GARNL3: variants seen among roughly 807,000 people sequenced by gnomAD.
GARNL3 encodes GTPase-activating Rap/Ran-GAP domain-like protein 3.
A neutral mutation model predicts 125.0 loss-of-function variants in GARNL3; 63 were observed. The ratio of observed to expected loss-of-function variants is 0.50; its 90% confidence interval spans 0.41 to 0.62. The LOEUF (loss-of-function observed/expected upper bound fraction) is 0.62. Among genes scored for constraint, GARNL3 ranks in the 20% least tolerant of loss-of-function variants. The probability of loss-of-function intolerance (pLI) is 0.00; values close to 1 mark genes in which losing one functional copy is unlikely to be tolerated. For synonymous variants in GARNL3, 439 were observed against 457.5 expected, an observed-to-expected ratio of 0.96 and a Z score of 0.52; for missense variants, 994 against 1,244.0, an observed-to-expected ratio of 0.80 and a Z score of 3.02.
Position 127,307,471 on chromosome 9 carries a change from C to T in GARNL3, c.220-4165C>T, listed in dbSNP as rs377574334. ...ACAGCTTAGGAGTTTACTCTCTAGG[C>T]GAGAGAGAAAGACGTTCATGACAGT... On this transcript the variant is annotated intron_variant, in intron 2 of 27. Coordinates refer to ENST00000373387, the MANE Select transcript of GARNL3 (RefSeq NM_032293.5). Among the ~76,000 whole-genome samples the T allele has an allele frequency of 8.5e-5, 13 of 152,176 alleles. No individual in the cohort carries two copies. In the South Asian group the frequency reaches 1.9e-3, roughly 22 times the overall value.
At chr9:127,372,455 A>G (rs1276273242) in intron 22 of GARNL3, among the ~76,000 whole-genome samples, 2 of 152,254 alleles carry the variant, frequency 1.3e-5, no homozygotes, top group Non-Finnish European at 2.9e-5. Flanking sequence ...AATGGTCCAC[A>G]TAATGATATC....
intron 5 of GARNL3, among the ~76,000 whole-genome samples, chr9:127,320,039 A>G (rs978325737): frequency 6.6e-5 from 10 of 152,394 alleles, no homozygotes; most frequent in Admixed American, 5.2e-4. Context: ...ACAGAGTCAC[A>G]TAAGCCTAGA....
chr9:127,377,792 CAAA>C (rs56965235), intron 22 of GARNL3, among the ~76,000 whole-genome samples: 82 of 67,482 alleles, frequency 1.2e-3, no homozygotes, highest in African/African-American at 4.0e-3. Context: ...GACTCCGTCT[CAAA>C]AAAAAAAAAA....
At chr9:127,264,175 T>C (rs1181799525), upstream of GARNL3, 2 of 471,344 alleles carry the variant, frequency 4.2e-6, no homozygotes, top group Non-Finnish European at 7.4e-6. Context: ...TTCATGAGTA[T>C]TGCTTGAGTG....
intron 2 of GARNL3, among the ~76,000 whole-genome samples, chr9:127,302,510 A>G (rs1177327951): frequency 1.3e-5 from 2 of 152,218 alleles, no homozygotes; most frequent in African/African-American, 4.8e-5. Context: ...CTACTACACA[A>G]AAAATGTTTA....
intron 2 of GARNL3, among the ~76,000 whole-genome samples, chr9:127,292,200 A>G (rs1352154558): frequency 6.6e-6 from 1 of 152,170 alleles, no homozygotes; most frequent in Non-Finnish European, 1.5e-5. Context: ...AGCCATGTAC[A>G]TTTACCTGAC....
intron 2 of GARNL3, among the ~76,000 whole-genome samples, chr9:127,307,288 T>C (rs907005485): frequency 2.6e-5 from 4 of 152,200 alleles, no homozygotes; most frequent in Non-Finnish European, 4.4e-5. Context: ...TCCCCACTCA[T>C]AGAGATCTTA....
intron 1 of GARNL3, among the ~76,000 whole-genome samples, chr9:127,237,442 C>T (rs1009271026): frequency 2.0e-5 from 3 of 152,164 alleles, no homozygotes; most frequent in African/African-American, 7.2e-5. Context: ...ATCTAAATCA[C>T]GTCCAGAACT....
rs1305532099 is a variant in GARNL3, at chr9:127,345,393, G to T, written c.1357-10G>T. The T allele has an allele frequency of 1.3e-6, 2 of 1,584,166 alleles. No homozygotes were observed. Among genetic ancestry groups the T allele is most frequent in the Admixed American group, 1.8e-5 (1 of 56,910 alleles). On this transcript the variant is annotated splice_polypyrimidine_tract_variant and intron_variant, in intron 15 of 27. Coordinates refer to ENST00000373387, the MANE Select transcript of GARNL3 (RefSeq NM_032293.5). ...CTAGTAAACTTTAATAGAGATCTCTGTTCTGTAAGGCACTAAAACTGAAAT... is the reference window on the plus strand; with the variant it reads ...CTAGTAAACTTTAATAGAGATCTCTTTTCTGTAAGGCACTAAAACTGAAAT...
intron 1 of GARNL3, among the ~76,000 whole-genome samples, chr9:127,281,451 T>C (rs1261408694): frequency 6.6e-6 from 1 of 152,168 alleles, no homozygotes; most frequent in East Asian, 1.9e-4. Context: ...TTTATCCTCT[T>C]GGCTGGGGAA....
At chr9:127,296,780 T>C (rs914213869) in intron 2 of GARNL3, among the ~76,000 whole-genome samples, 1 of 152,060 alleles carries the variant, frequency 6.6e-6, no homozygotes, top group African/African-American at 2.4e-5. Flanking sequence ...CAGGTAGGCA[T>C]GATTAATTAA....
chr9:127,386,085 A>G (rs12551470), intron 24 of GARNL3, among the ~76,000 whole-genome samples: 2,314 of 152,340 alleles, frequency 0.015, 20 homozygotes, highest in Non-Finnish European at 0.024. Context: ...GGTTCTTACA[A>G]AATGTTTTTG....
intron 22 of GARNL3, among the ~76,000 whole-genome samples, chr9:127,382,429 C>T (rs1163216686): frequency 2.6e-5 from 4 of 151,774 alleles, no homozygotes; most frequent in Non-Finnish European, 4.4e-5. Context: ...CCAGGCTAGG[C>T]AACATAGACC....
intron 2 of GARNL3, among the ~76,000 whole-genome samples, chr9:127,296,940 A>G (rs2064616347): frequency 6.6e-6 from 1 of 151,978 alleles, no homozygotes; most frequent in African/African-American, 2.4e-5. Context: ...GCCCCCTGTG[A>G]GTCCCCTCCT....
intron 1 of GARNL3, among the ~76,000 whole-genome samples, chr9:127,239,818 A>G (rs902271678): frequency 2.6e-5 from 4 of 152,172 alleles, no homozygotes; most frequent in African/African-American, 9.7e-5. Context: ...AAGTCAGAGA[A>G]TTTGATGAAA....
intron 2 of GARNL3, among the ~76,000 whole-genome samples, chr9:127,303,118 T>G (rs1257002986): frequency 1.3e-5 from 2 of 152,034 alleles, no homozygotes; most frequent in Non-Finnish European, 2.9e-5. Flanking sequence ...ACCACTGTAC[T>G]CCAGCCTGGG....
intron 22 of GARNL3, among the ~76,000 whole-genome samples, chr9:127,379,402 C>A (rs1832122382): frequency 6.6e-6 from 1 of 152,164 alleles, no homozygotes; most frequent in Non-Finnish European, 1.5e-5. Context: ...TTTTAATATG[C>A]AAATTATCAT....
rs1270194932 is a variant in GARNL3, at chr9:127,280,870, T to C, written c.145-10298T>C. ...CATCTGTTAGGAGAAAGGGTGTTTC[T>C]GTAGTGGTAACATGTGACAGATAAG... is the stretch of plus-strand genomic sequence containing the variant. On this transcript the variant is annotated intron_variant, in intron 1 of 27. Coordinates refer to ENST00000373387, the MANE Select transcript of GARNL3 (RefSeq NM_032293.5). This position sits in a 1 kb window ranked among gnomAD's most constrained non-coding sequence, Gnocchi z 4.5. Among the ~76,000 whole-genome samples, 2 of 152,224 alleles carry C rather than the reference T, an allele frequency of 1.3e-5. No homozygotes were observed. The highest frequency in any genetic ancestry group is 2.9e-5 in the Non-Finnish European group (2 of 68,042).
At chr9:127,263,552 A>G (rs1408754669), upstream of GARNL3, 1 of 409,602 alleles carries the variant, frequency 2.4e-6, no homozygotes, top group East Asian at 1.6e-4. Context: ...AAGGTCTTCA[A>G]AATGAGCTAA....
Sources: gnomAD v4.1 joint callset for allele counts (sites outside exome capture counted in the v4.1 genomes callset) on GRCh38, gnomAD v4.1.1 for gene constraint, Gnocchi (gnomAD v3.1) non-coding constraint, MANE v1.5 for transcripts, NCBI Gene and HGNC (gene_info 2026-07-23, HGNC 2026-07-21) for gene names.